The following MAGI2 variants were observed in gnomAD, a reference collection of about 807,000 sequenced individuals.
MAGI2 encodes the protein membrane associated guanylate kinase, WW and PDZ domain containing 2, also known as membrane-associated guanylate kinase, WW and PDZ domain-containing protein 2.
A neutral mutation model predicts 133.3 loss-of-function variants in MAGI2; 35 were observed. That is an observed-to-expected ratio of 0.26 (90% CI 0.20 to 0.35). The LOEUF is 0.35. Among genes scored for constraint, MAGI2 ranks in the 10% least tolerant of loss-of-function variants. The pLI is 1.00. For missense variants in MAGI2, 1,636 were observed against 1,863.4 expected (o/e 0.88, Z 2.25); for synonymous variants, 729 against 710.6 (o/e 1.03, Z -0.41).
intron 1 of MAGI2, among the ~76,000 whole-genome samples, chr7:79,062,946 C>T (rs1221348334): frequency 6.6e-6 from 1 of 152,094 alleles, no homozygotes; most frequent in Non-Finnish European, 1.5e-5. Context: ...AATTAGGATT[C>T]AACTATTTTT....
intron 1 of MAGI2, among the ~76,000 whole-genome samples, chr7:79,277,224 T>C (rs898256252): frequency 6.6e-6 from 1 of 152,120 alleles, no homozygotes; most frequent in African/African-American, 2.4e-5. Context: ...TCAGCAGCCA[T>C]CAATAGGGAG....
intron 1 of MAGI2, chr7:79,413,329 T>A (rs1235572688): frequency 2.0e-5 from 3 of 152,136 alleles, no homozygotes; most frequent in African/African-American, 7.2e-5. Context: ...GATTTTTCTA[T>A]ATGCTCACTA....
intron 1 of MAGI2, among the ~76,000 whole-genome samples, chr7:79,210,770 A>G (rs979236099): frequency 6.6e-6 from 1 of 152,058 alleles, no homozygotes; most frequent in African/African-American, 2.4e-5. Context: ...CACATTTTCA[A>G]TAAATTATAT....
At chr7:78,961,003 T>C in intron 2 of MAGI2, among the ~76,000 whole-genome samples, 1 of 152,112 alleles carries the variant, frequency 6.6e-6, no homozygotes. Flanking sequence ...CCAGTTCTGA[T>C]TTCCCTTGCC....
At position 79,355,045 on chromosome 7, in the gene MAGI2, C is replaced by T. The variant is rs184713130; in HGVS notation, c.301+97975G>A. ...ATTGGCCCACATGCCAGAGTCTTGC[C>T]CTTTTACCCAAAGCAGCCTGGCCTT... On this transcript the variant is annotated intron_variant, in intron 1 of 21. Transcript: ENST00000354212. 3.9e-5 allele frequency among the ~76,000 whole-genome samples: 6 copies of T among 152,314 alleles called. No individual in the cohort carries two copies. In the East Asian group the frequency reaches 1.2e-3, roughly 29 times the overall value.
At chr7:78,220,338 C>T (rs1047482300) in intron 10 of MAGI2, among the ~76,000 whole-genome samples, 52 of 152,172 alleles carry the variant, frequency 3.4e-4, no homozygotes, top group African/African-American at 1.2e-3. Context: ...CTTGCCGTGT[C>T]CCCCCACCCA....
intron 1 of MAGI2, among the ~76,000 whole-genome samples, chr7:79,107,540 A>G (rs890640255): frequency 1.3e-5 from 2 of 152,250 alleles, no homozygotes; most frequent in African/African-American, 4.8e-5. Context: ...GAGATAATAA[A>G]TTTGTGTTGT....
At chr7:79,234,860 G>C (rs1585279971) in intron 1 of MAGI2, among the ~76,000 whole-genome samples, 1 of 151,756 alleles carries the variant, frequency 6.6e-6, no homozygotes, top group Non-Finnish European at 1.5e-5. Context: ...TTTGGAGGAG[G>C]AGAGGCGCTC....
At chr7:79,216,404 C>T (rs576871995) in intron 1 of MAGI2, among the ~76,000 whole-genome samples, 7 of 152,020 alleles carry the variant, frequency 4.6e-5, no homozygotes, top group East Asian at 3.9e-4. Flanking sequence ...GCTTCGGATA[C>T]GGAAAGCTGT....
intron 1 of MAGI2, among the ~76,000 whole-genome samples, chr7:79,016,008 G>A (rs913396774): frequency 8.6e-6 from 1 of 115,796 alleles, no homozygotes; most frequent in Non-Finnish European, 1.8e-5. Context: ...CGGGGGGGGG[G>A]GGTGGGGGTT....
At position 78,670,708 on chromosome 7, in the gene MAGI2, C is replaced by T. The variant is rs560315075; in HGVS notation, c.419-43469G>A. Among the ~76,000 whole-genome samples the T allele has an allele frequency of 2.2e-4, 34 of 152,100 alleles. No individual in the cohort carries two copies. In the East Asian group the frequency reaches 5.2e-3, roughly 23 times the overall value. ...TAGAGTAACCAAAACAGCATGGTAC[C>T]GGTACCAAAACAGAGATATAGATCA... On this transcript the variant is annotated intron_variant, in intron 2 of 21. Transcript: ENST00000354212.
At chr7:79,023,984 A>T (rs902422447) in intron 1 of MAGI2, among the ~76,000 whole-genome samples, 6 of 152,082 alleles carry the variant, frequency 3.9e-5, no homozygotes, top group Admixed American at 1.3e-4. Context: ...AGAAAAAAAA[A>T]TTTTAAATTC....
chr7:78,668,479 C>A (rs112704665), intron 2 of MAGI2, among the ~76,000 whole-genome samples: 9,570 of 150,702 alleles, frequency 0.064, 397 homozygotes, highest in African/African-American at 0.12. Flanking sequence ...ATGCCTATGT[C>A]CTGAATGGTA....
chr7:78,733,444 C>T (rs1373494695), intron 2 of MAGI2, among the ~76,000 whole-genome samples: 1 of 152,138 alleles, frequency 6.6e-6, no homozygotes, highest in Non-Finnish European at 1.5e-5. Flanking sequence ...TGGACACATA[C>T]ACACTTAGCC....
At chr7:78,407,888 G>C (rs1797532524) in intron 6 of MAGI2, among the ~76,000 whole-genome samples, 1 of 62,176 alleles carries the variant, frequency 1.6e-5, no homozygotes, top group Admixed American at 1.4e-4. Flanking sequence ...ATTCCTCTAG[G>C]ATGCCAGAGA....
At chr7:79,226,426 A>C in intron 1 of MAGI2, among the ~76,000 whole-genome samples, 1 of 152,274 alleles carries the variant, frequency 6.6e-6, no homozygotes, top group Middle Eastern at 3.4e-3. Flanking sequence ...AGAATATATA[A>C]TCTTCCCTTT....
intron 2 of MAGI2, among the ~76,000 whole-genome samples, chr7:78,952,474 T>C (rs1479468226): frequency 4.6e-5 from 7 of 152,202 alleles, no homozygotes; most frequent in African/African-American, 1.7e-4. Flanking sequence ...TTCATTCATT[T>C]ATTCATTTGT....
At chr7:78,130,628 G>A (rs990998323) in intron 18 of MAGI2, among the ~76,000 whole-genome samples, 2 of 152,184 alleles carry the variant, frequency 1.3e-5, no homozygotes, top group African/African-American at 4.8e-5. Context: ...CAATCACAGA[G>A]TTCAGCCAGG....
chr7:78,907,205 T>C (rs1348145600), intron 2 of MAGI2, among the ~76,000 whole-genome samples: 2 of 152,148 alleles, frequency 1.3e-5, no homozygotes, highest in African/African-American at 4.8e-5. Context: ...CCTGAGACCC[T>C]TTGTTCCAAA....
Sources: allele counts gnomAD v4.1 joint callset (sites outside exome capture counted in the v4.1 genomes callset), GRCh38; gene constraint gnomAD v4.1.1; transcripts MANE v1.5; gene names NCBI Gene and HGNC (gene_info 2026-07-23, HGNC 2026-07-21).